Variants in TMIGD3 observed in about 807,000 individuals in gnomAD.
The protein encoded by TMIGD3 is transmembrane and immunoglobulin domain containing 3.
A neutral mutation model predicts 28.1 loss-of-function variants in TMIGD3; 21 were observed. The observed-to-expected ratio is 0.75, with a 90% CI of 0.53 to 1.08. The LOEUF (loss-of-function observed/expected upper bound fraction) is 1.08. Ranked by LOEUF, TMIGD3 falls within the 50% of genes least tolerant of loss-of-function variation. TMIGD3 has a pLI of 0.00. For synonymous variants in TMIGD3, 151 were observed against 162.1 expected, an observed-to-expected ratio of 0.93 and a Z score of 0.52; for missense variants, 416 against 435.6, an observed-to-expected ratio of 0.96 and a Z score of 0.40.
intron 1 of TMIGD3, among the ~76,000 whole-genome samples, chr1:111,551,573 T>C (rs1657259709): frequency 6.6e-6 from 1 of 152,192 alleles, no homozygotes; most frequent in South Asian, 2.1e-4. Context: ...TCTTAATACA[T>C]TGTTTTTCCA....
chr1:111,519,464 C>A lies in TMIGD3; in HGVS notation c.108-28702G>T, dbSNP rs75215525. ...GCCTGAGTTTCATTTCCTTTTGGTT[C>A]CAGATTAATTTATTAAAATCTTTAT... is the stretch of plus-strand genomic sequence containing the variant. On this transcript the variant is annotated intron_variant, in intron 1 of 5. Transcript: ENST00000369717. Among the ~76,000 whole-genome samples, 1,495 of 152,228 alleles carry A rather than the reference C, an allele frequency of 9.8e-3. 27 individuals carry two copies. The highest frequency in any genetic ancestry group is 0.034 in the African/African-American group (1,414 of 41,524).
upstream of TMIGD3, among the ~76,000 whole-genome samples, chr1:111,504,401 C>A (rs893089445): frequency 2.6e-5 from 4 of 152,190 alleles, no homozygotes; most frequent in Admixed American, 2.0e-4. Flanking sequence ...TCAGCCCCAT[C>A]CCCGCAGGAA....
At chr1:111,520,522 G>A (rs1489608873) in intron 1 of TMIGD3, among the ~76,000 whole-genome samples, 1 of 152,212 alleles carries the variant, frequency 6.6e-6, no homozygotes, top group Non-Finnish European at 1.5e-5. Context: ...GTGAATAGAA[G>A]GGGAGATGAA....
intron 1 of TMIGD3, among the ~76,000 whole-genome samples, chr1:111,545,608 A>G (rs906022954): frequency 3.9e-5 from 6 of 152,100 alleles, no homozygotes; most frequent in African/African-American, 7.2e-5. Flanking sequence ...CCTTTGGTGC[A>G]CTAAAGTTTT....
chr1:111,501,305 G>A (rs1655161344), intron 1 of TMIGD3: 1 of 152,184 alleles, frequency 6.6e-6, no homozygotes, highest in Non-Finnish European at 1.5e-5. Flanking sequence ...GACCTTAAAG[G>A]ACAGTAAGAG....
At chr1:111,511,418 C>T (rs534303557) in intron 1 of TMIGD3, among the ~76,000 whole-genome samples, 1 of 152,124 alleles carries the variant, frequency 6.6e-6, no homozygotes. Flanking sequence ...GCTGGCTATA[C>T]CACTCTATGT....
At chr1:111,504,228 C>T, upstream of TMIGD3, 1 of 724,832 alleles carries the variant, frequency 1.4e-6, no homozygotes, top group Non-Finnish European at 1.7e-6. Flanking sequence ...TCTCAGCTCA[C>T]ACCCTAGCAA....
chr1:111,536,792 C>T (rs1420078665), intron 1 of TMIGD3, among the ~76,000 whole-genome samples: 1 of 151,004 alleles, frequency 6.6e-6, no homozygotes, highest in Non-Finnish European at 1.5e-5. Context: ...AAGCACTGTT[C>T]CTCCGTGTGG....
chr1:111,559,075 T>A (rs937388118), intron 1 of TMIGD3, among the ~76,000 whole-genome samples: 14 of 152,136 alleles, frequency 9.2e-5, no homozygotes, highest in Admixed American at 9.2e-4. Context: ...AGATAATTTT[T>A]AAAAAACATG....
rs147603686 is a variant in TMIGD3 at position 111,550,498 on chromosome 1, A to G, written c.107+13348T>C. ...AAATTTCCCTCTAAGCATTCTTCCA[A>G]CATTCCCTGTATCCCATACATTTTT... On this transcript the variant is annotated intron_variant, in intron 1 of 5. Coordinates refer to the TMIGD3 transcript ENST00000369717. Among the ~76,000 whole-genome samples the G allele has an allele frequency of 4.8e-3, 725 of 152,140 alleles. 1 individual carries two copies. Among genetic ancestry groups the G allele is most frequent in the African/African-American group, 0.017 (694 of 41,502 alleles).
chr1:111,494,834 G>T (rs1036203042), intron 1 of TMIGD3, among the ~76,000 whole-genome samples: 1 of 152,078 alleles, frequency 6.6e-6, no homozygotes, highest in Non-Finnish European at 1.5e-5. Context: ...GAACCCACAA[G>T]TAAAGCTACA....
chr1:111,514,054 C>T (rs1655780783), intron 1 of TMIGD3, among the ~76,000 whole-genome samples: 1 of 152,202 alleles, frequency 6.6e-6, no homozygotes, highest in African/African-American at 2.4e-5. Context: ...CCCGTCCCTT[C>T]TTTTACTTTC....
intron 1 of TMIGD3, among the ~76,000 whole-genome samples, chr1:111,501,554 A>G (rs146412261): frequency 1.3e-5 from 2 of 152,354 alleles, no homozygotes; most frequent in African/African-American, 2.4e-5. Flanking sequence ...AAAGCTTTAC[A>G]TATGTTAACG....
chr1:111,490,610 A>G (rs1032095508), intron 2 of TMIGD3, 46 bp downstream of exon 2: 2 of 1,463,330 alleles, frequency 1.4e-6, no homozygotes, highest in Non-Finnish European at 1.9e-6. Context: ...AGTCTCTGGA[A>G]AGGCCACAGC....
intron 1 of TMIGD3, among the ~76,000 whole-genome samples, chr1:111,525,944 A>T (rs6658693): frequency 0.28 from 42,103 of 152,002 alleles, 6,445 homozygotes; most frequent in East Asian, 0.68. Flanking sequence ...ATCTAATCTG[A>T]TAATCTCTGC....
At chr1:111,538,116 A>G (rs1327920839) in intron 1 of TMIGD3, among the ~76,000 whole-genome samples, 3 of 152,210 alleles carry the variant, frequency 2.0e-5, no homozygotes, top group Non-Finnish European at 4.4e-5. Flanking sequence ...GGATGATACC[A>G]GCCATGAAAA....
upstream of TMIGD3, among the ~76,000 whole-genome samples, chr1:111,507,328 A>G (rs41320847): frequency 9.5e-3 from 1,445 of 152,214 alleles, 16 homozygotes; most frequent in African/African-American, 0.033. Context: ...GGAAGCAAAG[A>G]TCTAGGAGAA....
At chr1:111,556,605 T>A (rs12031146) in intron 1 of TMIGD3, among the ~76,000 whole-genome samples, 12,282 of 152,166 alleles carry the variant, frequency 0.081, 1,169 homozygotes, top group African/African-American at 0.22. Context: ...AGCTACGACA[T>A]GGATGAAACT....
chr1:111,561,756 G>C (rs1441824798), intron 1 of TMIGD3, among the ~76,000 whole-genome samples: 4 of 152,156 alleles, frequency 2.6e-5, no homozygotes, highest in Non-Finnish European at 5.9e-5. Flanking sequence ...GTGTGTATGT[G>C]TGTGTACGTA....
Sources: gnomAD v4.1 joint callset for allele counts (sites outside exome capture counted in the v4.1 genomes callset) on GRCh38, gnomAD v4.1.1 for gene constraint, MANE v1.5 for transcripts, NCBI Gene and HGNC (gene_info 2026-07-23, HGNC 2026-07-21) for gene names.